OS9: variants seen among roughly 807,000 people sequenced by gnomAD.
OS9 encodes protein OS-9.
In OS9, 58 loss-of-function variants were observed where a neutral mutation model predicts 84.7. The ratio of observed to expected loss-of-function variants is 0.68; its 90% CI spans 0.55 to 0.85. The LOEUF (loss-of-function observed/expected upper bound fraction) is 0.85, where lower values mean the gene tolerates loss of function less well. Among genes scored for constraint, OS9 ranks in the 40% least tolerant of loss-of-function variants. The probability of loss-of-function intolerance (pLI) is 0.00; values close to 1 mark genes in which losing one functional copy is unlikely to be tolerated. For missense variants in OS9, 760 were observed against 850.9 expected, an observed-to-expected ratio of 0.89 and a Z score of 1.33; for synonymous variants, 278 against 320.8, an observed-to-expected ratio of 0.87 and a Z score of 1.43.
At chr12:57,717,819 A>AAT in intron 9 of OS9, 51 bp from the exon 10 acceptor site, 1 of 931,478 alleles carries the variant, frequency 1.1e-6, no homozygotes, top group Non-Finnish European at 1.6e-6. Context: ...AAAAAAAAAA[A>AAT]GAATTTAAAC....
At chr12:57,710,782 G>A (rs903971359) in intron 5 of OS9, among the ~76,000 whole-genome samples, 3 of 152,062 alleles carry the variant, frequency 2.0e-5, no homozygotes, top group African/African-American at 7.2e-5. Context: ...GCTCATGCCT[G>A]TAATCCCAGC....
At chr12:57,701,882 C>T (rs528680206) in intron 5 of OS9, among the ~76,000 whole-genome samples, 42 of 152,040 alleles carry the variant, frequency 2.8e-4, no homozygotes, top group African/African-American at 8.2e-4. Flanking sequence ...CTGCAACCTC[C>T]GCCTCCCAGG....
At position 57,720,805 on chromosome 12, in the gene OS9, C is replaced by T; in HGVS notation, c.1900C>T (p.Gln634Ter). The change falls in exon 15 of 15, where the codon CAG becomes TAG. Residue 634 changes from glutamine (Q) to a stop codon, truncating the protein, a stop_gained. Transcript: ENST00000315970. LOFTEE classifies it high-confidence loss of function. ...CCAGGTGCCGGGAGCTGAAGAGGCC[C>T]AGAAGGAACGCCAGCGGCAGAAAGA... ...NILVPGAEEA[Q>*]KERQRQKELE... 6.2e-7 allele frequency: 1 copy of T among 1,612,594 alleles called. No individual in the cohort carries two copies. The highest frequency in any genetic ancestry group is 1.1e-5 in the South Asian group (1 of 90,832).
intron 5 of OS9, 170 bp from the exon 6 acceptor site, chr12:57,715,590 C>T (rs1008355910): frequency 6.8e-5 from 35 of 516,720 alleles, no homozygotes; most frequent in South Asian, 3.8e-4. Flanking sequence ...AAACCAATAT[C>T]GCCTCACTGG....
Position 57,694,301 on chromosome 12 carries a change from C to T in OS9, c.140C>T (p.Pro47Leu). The change falls in exon 1 of 15, where the codon CCG (proline) becomes CTG (leucine). Residue 47 changes from proline to leucine, a missense_variant. Physicochemically the swap from Pro to Leu is moderately conservative, Grantham distance 98 (BLOSUM62 -3). Coordinates refer to ENST00000315970, the MANE Select transcript of OS9 (RefSeq NM_006812.4). ...ATGCGTTATGGGATCGAGATCCTGC[C>T]GTTGCCTGTCATGGGAGGGCAGGTG... The part of the protein sequence containing the change: ...SEMRYGIEIL[P>L]LPVMGGQSQS... 1.2e-6 allele frequency: 2 copies of T among 1,614,054 alleles called. No individual in the cohort carries two copies. Among genetic ancestry groups the T allele is most frequent in the South Asian group, 1.1e-5 (1 of 91,070 alleles).
intron 5 of OS9, among the ~76,000 whole-genome samples, chr12:57,709,098 C>G (rs929388171): frequency 1.3e-5 from 2 of 152,194 alleles, no homozygotes; most frequent in African/African-American, 2.4e-5. Context: ...TCTCTACTCC[C>G]TTCTTTACTC....
chr12:57,695,216 G>A lies in OS9; in HGVS notation c.339+290G>A. On this transcript the variant is annotated intron_variant, in intron 2 of 14. Transcript: ENST00000315970. ...TACTTCCTTAAGCCTACTTGCTAAA[G>A]TCACCCCCTGCCCTATCACTCTGCT... The A allele has an allele frequency of 6.6e-6, 3 of 457,052 alleles. No homozygotes were observed. In the South Asian group the frequency reaches 6.9e-5, roughly 10 times the overall value. The allele number at this position is 457,052 out of a possible 1,614,324, so 28.3% of individuals were successfully genotyped here.
chr12:57,707,802 A>C (rs113617513), intron 5 of OS9, among the ~76,000 whole-genome samples: 10,974 of 152,170 alleles, frequency 0.072, 466 homozygotes, highest in Non-Finnish European at 0.1. Context: ...AACATTAAAA[A>C]ATTCTGGCCA....
chr12:57,696,383 G>GA lies in OS9; in HGVS notation c.579+11dup, dbSNP rs758241020. 1 of 1,486,968 alleles carries GA rather than the reference G, an allele frequency of 6.7e-7. No individual in the cohort carries two copies. The highest frequency in any genetic ancestry group is 1.4e-5 in the African/African-American group (1 of 69,468). The allele number at this position is 1,486,968 out of a possible 1,614,324, so 92.1% of individuals were successfully genotyped here. Reference sequence around the variant, plus strand: ...GGAGGCCGAGGTTCGGGTGAGTCTTGAGAGAGGGAAGTTGACACTCCCACA... The same window carrying GA: ...GGAGGCCGAGGTTCGGGTGAGTCTTGAAGAGAGGGAAGTTGACACTCCCACA... On this transcript the variant is annotated intron_variant, in intron 5 of 14. Transcript: ENST00000315970.
chr12:57,697,221 G>A (rs1220654562), intron 5 of OS9, among the ~76,000 whole-genome samples: 1 of 152,174 alleles, frequency 6.6e-6, no homozygotes, highest in Non-Finnish European at 1.5e-5. Flanking sequence ...CTCCCATGAT[G>A]CGCAAGTCAA....
At chr12:57,720,291 G>A (rs997915807) in intron 13 of OS9, 28 bp downstream of exon 13, 15 of 1,613,022 alleles carry the variant, frequency 9.3e-6, no homozygotes, top group Non-Finnish European at 1.2e-5. Flanking sequence ...GCTGGACCCA[G>A]TGCTGTCGGA....
intron 5 of OS9, 113 bp from the exon 6 acceptor site, chr12:57,715,647 G>A: frequency 1.4e-6 from 1 of 727,216 alleles, no homozygotes; most frequent in Non-Finnish European, 2.3e-6. Context: ...CATATGCACA[G>A]TGTATGCACA....
intron 5 of OS9, among the ~76,000 whole-genome samples, chr12:57,698,091 A>G (rs1006813625): frequency 6.6e-6 from 1 of 152,188 alleles, no homozygotes; most frequent in African/African-American, 2.4e-5. Context: ...CTGGGAAGGC[A>G]GGGATGATGT....
intron 10 of OS9, 60 bp from the exon 11 acceptor site, chr12:57,718,086 C>G (rs1954559630): frequency 6.4e-7 from 1 of 1,573,658 alleles, no homozygotes; most frequent in Admixed American, 1.7e-5. Context: ...TTGTCTGCCC[C>G]CGACCATGTG....
chr12:57,709,851 T>G (rs911538801), intron 5 of OS9, among the ~76,000 whole-genome samples: 14 of 152,002 alleles, frequency 9.2e-5, no homozygotes, highest in African/African-American at 3.1e-4. Context: ...CCTTTTTTTT[T>G]TTGTTATTAC....
Position 57,711,592 on chromosome 12 carries a change from T to A in OS9, c.580-4168T>A, listed in dbSNP as rs799431. On this transcript the variant is annotated intron_variant, in intron 5 of 14. Transcript: ENST00000315970. ...GATCTCTTGACCTCGTGATCTGCCC[T>A]CCTTGGCCTCCCAAAGTGCTGGGAT... Among the ~76,000 whole-genome samples the A allele has an allele frequency of 3.9e-3, 591 of 152,072 alleles. 13 individuals are homozygous for A. The South Asian group carries it at 0.066, about 17-fold the overall frequency.
chr12:57,694,408 G>A, intron 1 of OS9, 85 bp downstream of exon 1: 2 of 1,410,768 alleles, frequency 1.4e-6, no homozygotes, highest in African/African-American at 1.4e-5. Flanking sequence ...CGGAGTCTGG[G>A]GCTGGAGCCT....
At chr12:57,695,494 T>G (rs1312440290) in intron 2 of OS9, 2 of 621,800 alleles carry the variant, frequency 3.2e-6, no homozygotes, top group Non-Finnish European at 5.9e-6. Flanking sequence ...ATACCATAAT[T>G]TCTTATCTTT....
At chr12:57,713,942 AC>A (rs142042461) in intron 5 of OS9, among the ~76,000 whole-genome samples, 3,139 of 152,062 alleles carry the variant, frequency 0.021, 105 homozygotes, top group African/African-American at 0.07. Context: ...CCCTGTCTCT[AC>A]AAAAAAATTT....
Sources: gnomAD v4.1 joint callset for allele counts (sites outside exome capture counted in the v4.1 genomes callset) on GRCh38, gnomAD v4.1.1 for gene constraint, MANE v1.5 for transcripts, NCBI Gene and HGNC (gene_info 2026-07-23, HGNC 2026-07-21) for gene names.